B3GAT2: variants seen among roughly 807,000 people sequenced by gnomAD.
B3GAT2 encodes galactosylgalactosylxylosylprotein 3-beta-glucuronosyltransferase 2.
A neutral mutation model predicts 27.8 loss-of-function variants in B3GAT2; 26 were observed. The ratio of observed to expected loss-of-function variants is 0.93; its 90% CI spans 0.68 to 1.30. B3GAT2 has a LOEUF of 1.30. B3GAT2 is among the 50% of genes most tolerant of loss of function. B3GAT2 has a pLI of 0.00. For synonymous variants in B3GAT2, 218 were observed against 195.1 expected (o/e 1.12, Z -0.98); for missense variants, 458 against 459.0 (o/e 1.00, Z 0.02).
At chr6:70,930,572 G>T (rs903207072) in intron 1 of B3GAT2, among the ~76,000 whole-genome samples, 1 of 152,134 alleles carries the variant, frequency 6.6e-6, no homozygotes, top group African/African-American at 2.4e-5. Context: ...GCAGCCAACA[G>T]ACACACGAAA....
At chr6:70,865,940 G>A (rs1025035592) in intron 2 of B3GAT2, among the ~76,000 whole-genome samples, 1 of 152,152 alleles carries the variant, frequency 6.6e-6, no homozygotes, top group Non-Finnish European at 1.5e-5. Flanking sequence ...AGGGGAACCC[G>A]GAAAGCTCTG....
chr6:70,885,303 C>T (rs1285921693), intron 2 of B3GAT2, among the ~76,000 whole-genome samples: 1 of 152,184 alleles, frequency 6.6e-6, no homozygotes, highest in African/African-American at 2.4e-5. Context: ...GCGGCACTCA[C>T]ATGGCACCAA....
At chr6:70,895,500 T>A (rs1772366044) in intron 1 of B3GAT2, among the ~76,000 whole-genome samples, 3 of 101,726 alleles carry the variant, frequency 2.9e-5, no homozygotes, top group African/African-American at 1.0e-4. Flanking sequence ...AGGGGATTTT[T>A]TTTTTTTTTT....
At chr6:70,928,343 A>T (rs1273294558) in intron 1 of B3GAT2, among the ~76,000 whole-genome samples, 1 of 152,072 alleles carries the variant, frequency 6.6e-6, no homozygotes, top group Non-Finnish European at 1.5e-5. Context: ...TCAGACCAGA[A>T]CTGAAGGCGA....
intron 1 of B3GAT2, among the ~76,000 whole-genome samples, chr6:70,935,017 AC>A (rs1773120185): frequency 6.6e-6 from 1 of 152,212 alleles, no homozygotes; most frequent in South Asian, 2.1e-4. Context: ...GGATTATAAA[AC>A]TTTAAATTCT....
At chr6:70,941,336 T>A (rs4707868) in intron 1 of B3GAT2, among the ~76,000 whole-genome samples, 71,889 of 151,960 alleles carry the variant, frequency 0.47, 17,590 homozygotes, top group East Asian at 0.69. Flanking sequence ...TAATATTTAT[T>A]ACTTGCCTAG....
At chr6:70,873,587 A>G (rs1036646492) in intron 2 of B3GAT2, among the ~76,000 whole-genome samples, 3 of 152,118 alleles carry the variant, frequency 2.0e-5, no homozygotes, top group Admixed American at 1.3e-4. Context: ...AGCTTCCTCG[A>G]TGTTTAATGT....
chr6:70,883,435 C>T (rs1772130041), intron 2 of B3GAT2, among the ~76,000 whole-genome samples: 1 of 148,776 alleles, frequency 6.7e-6, no homozygotes, highest in African/African-American at 2.5e-5. Context: ...TATGAATGAA[C>T]CTTAAAGATA....
intron 1 of B3GAT2, among the ~76,000 whole-genome samples, chr6:70,908,649 A>G (rs1339147978): frequency 1.3e-5 from 2 of 152,244 alleles, no homozygotes; most frequent in Non-Finnish European, 2.9e-5. Context: ...ACATTTCACA[A>G]GGATACATGA....
chr6:70,912,317 G>C (rs952426950), intron 1 of B3GAT2, among the ~76,000 whole-genome samples: 2 of 152,044 alleles, frequency 1.3e-5, no homozygotes, highest in Admixed American at 6.6e-5. Flanking sequence ...CTAGTTTGTT[G>C]AGGGTTTCTA....
At chr6:70,954,007 T>C (rs548876781) in intron 1 of B3GAT2, among the ~76,000 whole-genome samples, 1 of 152,330 alleles carries the variant, frequency 6.6e-6, no homozygotes, top group Admixed American at 6.5e-5. Context: ...ACCAAGAGGC[T>C]AGAAGCTCGG....
intron 1 of B3GAT2, among the ~76,000 whole-genome samples, chr6:70,926,982 C>T (rs919821428): frequency 1.6e-4 from 24 of 152,154 alleles, no homozygotes; most frequent in Non-Finnish European, 2.6e-4. Context: ...GATCTCTCAG[C>T]AGAAACACTA....
At chr6:70,925,933 C>T (rs188573613) in intron 1 of B3GAT2, among the ~76,000 whole-genome samples, 203 of 152,306 alleles carry the variant, frequency 1.3e-3, no homozygotes, top group African/African-American at 4.7e-3. Flanking sequence ...AGGTGCCCCT[C>T]TGAGATGAAG....
chr6:70,939,824 G>A (rs943268606), intron 1 of B3GAT2, among the ~76,000 whole-genome samples: 2 of 151,836 alleles, frequency 1.3e-5, no homozygotes, highest in Non-Finnish European at 2.9e-5. Flanking sequence ...CAGCACACCA[G>A]CATGGCACAT....
intron 1 of B3GAT2, among the ~76,000 whole-genome samples, chr6:70,906,148 C>T (rs961257149): frequency 6.6e-5 from 10 of 152,104 alleles, no homozygotes; most frequent in African/African-American, 1.4e-4. Flanking sequence ...TTTTTCCACA[C>T]GAAAACCAAC....
intron 1 of B3GAT2, among the ~76,000 whole-genome samples, chr6:70,952,928 G>A (rs868613083): frequency 1.3e-5 from 2 of 152,294 alleles, no homozygotes; most frequent in South Asian, 4.1e-4. Context: ...TGCCTGTTGC[G>A]TCTTTAATTT....
chr6:70,934,747 A>G (rs1430252109), intron 1 of B3GAT2, among the ~76,000 whole-genome samples: 1 of 152,238 alleles, frequency 6.6e-6, no homozygotes, highest in African/African-American at 2.4e-5. Context: ...TACGTAAAAA[A>G]AAGTTGACCT....
In B3GAT2 at chr6:70,861,961, G is replaced by C. The variant is rs771270674; in HGVS notation, c.754C>G (p.Gln252Glu). 1 of 1,610,552 alleles carries C rather than the reference G, an allele frequency of 6.2e-7. No individual in the cohort carries two copies. Among genetic ancestry groups the C allele is most frequent in the East Asian group, 2.2e-5 (1 of 44,746 alleles). The change falls in exon 3 of 4, where the codon CAA (glutamine) becomes GAA (glutamate). Residue 252 changes from glutamine to glutamate, a missense_variant. Physicochemically the swap from Gln to Glu is conservative, Grantham distance 29. Coordinates refer to ENST00000230053, the MANE Select transcript of B3GAT2 (RefSeq NM_080742.3). The part of the protein sequence containing the change: ...IDMAGFAVSL[Q>E]VILSNPKAVF... ...GCTTTTGGATTGGACAAAATGACTT[G>C]AAGACTTACAGCAAATCCTTTGTGA...
chr6:70,886,410 C>T (rs1772187983), intron 2 of B3GAT2, among the ~76,000 whole-genome samples: 4 of 152,196 alleles, frequency 2.6e-5, no homozygotes, highest in Admixed American at 2.6e-4. Context: ...ATTATTGAGT[C>T]TGCTGGACAT....
Sources: allele counts gnomAD v4.1 joint callset (sites outside exome capture counted in the v4.1 genomes callset), GRCh38; gene constraint gnomAD v4.1.1; transcripts MANE v1.5; gene names NCBI Gene and HGNC (gene_info 2026-07-23, HGNC 2026-07-21).